DLGAP2: variants seen among roughly 807,000 people sequenced by gnomAD.
The protein encoded by DLGAP2 is DLG associated protein 2.
In DLGAP2, 26 loss-of-function variants were observed where a neutral mutation model predicts 100.3. The observed-to-expected ratio is 0.26, with a 90% CI of 0.19 to 0.36. DLGAP2 has a LOEUF of 0.36. Ranked by LOEUF, DLGAP2 falls within the 10% of genes least tolerant of loss-of-function variation. The pLI is 1.00. For synonymous variants in DLGAP2, 886 were observed against 630.1 expected (o/e 1.41, Z -6.08); for missense variants, 1,858 against 1,453.2 (o/e 1.28, Z -4.53).
In DLGAP2 at chr8:967,816, C is replaced by CTTTTTA. The variant is rs1160625195; in HGVS notation, c.73+59851_73+59852insTTTTAT. Among the ~76,000 whole-genome samples, 5 of 2,582 alleles carry CTTTTTA rather than the reference C, an allele frequency of 1.9e-3. 1 individual carries two copies. Among genetic ancestry groups the CTTTTTA allele is most frequent in the Non-Finnish European group, 8.3e-3 (4 of 480 alleles). The allele number at this position is 2,582 out of a possible 152,430, so 1.7% of individuals were successfully genotyped here. ...ATATACACCTCTTTGTTGAACACCA[C>CTTTTTA]TATATATATATATATATATATATAT... is the stretch of plus-strand genomic sequence containing the variant. On this transcript the variant is annotated intron_variant, in intron 2 of 14. Coordinates refer to ENST00000637795, the MANE Select transcript of DLGAP2 (RefSeq NM_001346810.2).
At chr8:1,046,234 A>C (rs765839160) in intron 2 of DLGAP2, among the ~76,000 whole-genome samples, 39 of 152,316 alleles carry the variant, frequency 2.6e-4, no homozygotes, top group South Asian at 1.0e-3. Context: ...CCTTGAATGC[A>C]ATCTGTAATT....
chr8:1,162,741 A>G (rs1796915566), intron 2 of DLGAP2, among the ~76,000 whole-genome samples: 1 of 152,254 alleles, frequency 6.6e-6, no homozygotes, highest in Non-Finnish European at 1.5e-5. Context: ...AGATTCAGCC[A>G]TGGAGGCTGT....
chr8:1,435,615 T>G (rs1797596344), intron 3 of DLGAP2, among the ~76,000 whole-genome samples: 1 of 151,886 alleles, frequency 6.6e-6, no homozygotes, highest in Non-Finnish European at 1.5e-5. Flanking sequence ...GTACGTTTCA[T>G]TATTATTTTA....
At chr8:1,204,439 G>A (rs1797947380) in intron 2 of DLGAP2, among the ~76,000 whole-genome samples, 1 of 152,244 alleles carries the variant, frequency 6.6e-6, no homozygotes. Flanking sequence ...TGGAAGCCAG[G>A]CTGACCGTGT....
chr8:1,136,607 G>GATCTGA (rs1563210801), intron 2 of DLGAP2, among the ~76,000 whole-genome samples: 3 of 152,210 alleles, frequency 2.0e-5, no homozygotes, highest in African/African-American at 7.2e-5. Flanking sequence ...GTGCACAGCA[G>GATCTGA]ACCCATGACT....
At chr8:740,795 G>A (rs1252683016) in intron 1 of DLGAP2, among the ~76,000 whole-genome samples, 1 of 152,128 alleles carries the variant, frequency 6.6e-6, no homozygotes, top group African/African-American at 2.4e-5. Flanking sequence ...AGTTATCCAA[G>A]GAGTTGAATG....
intron 10 of DLGAP2, among the ~76,000 whole-genome samples, chr8:1,670,023 G>A (rs1798651097): frequency 6.6e-6 from 1 of 151,842 alleles, no homozygotes; most frequent in Non-Finnish European, 1.5e-5. Context: ...AAGCTAGGGT[G>A]CCATCGCCCG....
intron 4 of DLGAP2, among the ~76,000 whole-genome samples, chr8:1,533,506 C>CAAA (rs397963380): frequency 7.2e-6 from 1 of 139,128 alleles, no homozygotes; most frequent in African/African-American, 2.6e-5. Context: ...ACTCTGTCTC[C>CAAA]AAAAAAAAAA....
At chr8:1,176,767 G>C (rs1797268230) in intron 2 of DLGAP2, among the ~76,000 whole-genome samples, 1 of 152,118 alleles carries the variant, frequency 6.6e-6, no homozygotes, top group Non-Finnish European at 1.5e-5. Context: ...GATGGTCACT[G>C]GGTCCCTGTG....
At chr8:1,277,696 G>T (rs1169792252) in intron 3 of DLGAP2, among the ~76,000 whole-genome samples, 1 of 152,152 alleles carries the variant, frequency 6.6e-6, no homozygotes, top group Admixed American at 6.5e-5. Context: ...CTTCCAGGCT[G>T]GCAGCAGCTG....
chr8:1,640,202 A>G (rs1374933762), intron 8 of DLGAP2, among the ~76,000 whole-genome samples: 1 of 152,174 alleles, frequency 6.6e-6, no homozygotes, highest in Non-Finnish European at 1.5e-5. Context: ...TCGTAAATCC[A>G]GGTTGATCCT....
intron 2 of DLGAP2, among the ~76,000 whole-genome samples, chr8:1,227,842 T>C (rs1422185788): frequency 2.0e-5 from 3 of 152,214 alleles, no homozygotes; most frequent in Non-Finnish European, 4.4e-5. Flanking sequence ...AGGAGAATTA[T>C]AGCTAATAAA....
chr8:1,624,867 CTG>C (rs1554511097), intron 6 of DLGAP2, among the ~76,000 whole-genome samples: 14 of 148,234 alleles, frequency 9.4e-5, no homozygotes, highest in African/African-American at 3.4e-4. Context: ...CTCTCTCTCT[CTG>C]TCTCTCTCTC....
intron 3 of DLGAP2, among the ~76,000 whole-genome samples, chr8:1,308,771 C>T (rs1800548566): frequency 6.6e-6 from 1 of 152,196 alleles, no homozygotes; most frequent in Admixed American, 6.5e-5. Flanking sequence ...ATGATCTGCC[C>T]GCCTCAGCCT....
chr8:1,491,397 T>TCGGAGGCTTCAGGCTGCTCCCCCCGATCC (rs56365838), intron 3 of DLGAP2, among the ~76,000 whole-genome samples: 1 of 149,474 alleles, frequency 6.7e-6, no homozygotes, highest in African/African-American at 2.5e-5. Context: ...CCCCCTGACC[T>TCGGAGGCTTCAGGCTGCTCCCCCCGATCC]CGGAGGCTTC....
chr8:756,618 A>G (rs569632576), intron 1 of DLGAP2, among the ~76,000 whole-genome samples: 13 of 152,126 alleles, frequency 8.5e-5, no homozygotes, highest in African/African-American at 2.7e-4. Flanking sequence ...AACTCTGTTG[A>G]GTCAAGACCT....
intron 6 of DLGAP2, among the ~76,000 whole-genome samples, chr8:1,593,133 G>C (rs1189659847): frequency 3.3e-5 from 5 of 152,160 alleles, no homozygotes; most frequent in Non-Finnish European, 5.9e-5. Context: ...GTTCAACAAT[G>C]ATTTGTGGAC....
At chr8:1,353,397 C>G (rs922403009) in intron 3 of DLGAP2, among the ~76,000 whole-genome samples, 17 of 152,290 alleles carry the variant, frequency 1.1e-4, no homozygotes, top group African/African-American at 3.4e-4. Context: ...CTGATTTTTG[C>G]TTTCAGTACC....
At chr8:759,137 A>G (rs539330354) in intron 1 of DLGAP2, among the ~76,000 whole-genome samples, 45 of 53,554 alleles carry the variant, frequency 8.4e-4, no homozygotes, top group Non-Finnish European at 1.8e-3. Flanking sequence ...TACCCCTGAC[A>G]GCTTTCCCAT....
Sources: allele counts gnomAD v4.1 joint callset (sites outside exome capture counted in the v4.1 genomes callset), GRCh38; gene constraint gnomAD v4.1.1; transcripts MANE v1.5; gene names NCBI Gene and HGNC (gene_info 2026-07-23, HGNC 2026-07-21).